The following LRRTM4 variants were observed in gnomAD, a reference collection of about 807,000 sequenced individuals.
LRRTM4 encodes leucine rich repeat transmembrane neuronal 4.
In LRRTM4, 25 loss-of-function variants were observed where a neutral mutation model predicts 47.6. The ratio of observed to expected loss-of-function variants is 0.53; its 90% confidence interval spans 0.38 to 0.73. The LOEUF is 0.73. Among genes scored for constraint, LRRTM4 ranks in the 30% least tolerant of loss-of-function variants. LRRTM4 has a pLI of 0.00. For synonymous variants in LRRTM4, 311 were observed against 269.5 expected (o/e 1.15, Z -1.51); for missense variants, 638 against 713.4 (o/e 0.89, Z 1.20).
chr2:76,939,609 T>C (rs985666223), intron 3 of LRRTM4, among the ~76,000 whole-genome samples: 1 of 151,896 alleles, frequency 6.6e-6, no homozygotes, highest in Non-Finnish European at 1.5e-5. Context: ...AGAACCAATA[T>C]TTTACTTGTT....
chr2:76,936,585 TAAAAAAAAAA>T (rs869085850), intron 3 of LRRTM4, among the ~76,000 whole-genome samples: 1 of 96,950 alleles, frequency 1.0e-5, no homozygotes, highest in Non-Finnish European at 2.5e-5. Context: ...TAAAGTATAA[TAAAAAAAAAA>T]AAAAAAGAAA....
At chr2:77,216,768 T>A (rs1201379472) in intron 3 of LRRTM4, among the ~76,000 whole-genome samples, 1 of 151,434 alleles carries the variant, frequency 6.6e-6, no homozygotes, top group Admixed American at 6.6e-5. Flanking sequence ...TGCATCTGTA[T>A]CACTTAGAGA....
chr2:77,119,730 C>CTTACATACATAGAA (rs1203531420), intron 3 of LRRTM4, among the ~76,000 whole-genome samples: 1 of 151,742 alleles, frequency 6.6e-6, no homozygotes, highest in Admixed American at 6.6e-5. Flanking sequence ...TGAAATGTGG[C>CTTACATACATAGAA]TTACATACAT....
intron 3 of LRRTM4, among the ~76,000 whole-genome samples, chr2:76,989,317 C>T (rs1676920236): frequency 6.6e-6 from 1 of 151,790 alleles, no homozygotes; most frequent in Non-Finnish European, 1.5e-5. Context: ...TCCACAAAAA[C>T]ATGCATTAGT....
At chr2:76,851,849 C>G (rs1672007202) in intron 3 of LRRTM4, among the ~76,000 whole-genome samples, 1 of 141,704 alleles carries the variant, frequency 7.1e-6, no homozygotes, top group Non-Finnish European at 1.5e-5. Context: ...GTAAATTAAA[C>G]ACAGGTTTTT....
chr2:77,140,694 C>T (rs1239220347), intron 3 of LRRTM4, among the ~76,000 whole-genome samples: 1 of 152,142 alleles, frequency 6.6e-6, no homozygotes, highest in Non-Finnish European at 1.5e-5. Flanking sequence ...AGGCAACCTA[C>T]AGAATGGGAG....
chr2:77,381,532 G>A (rs1394723), intron 3 of LRRTM4, among the ~76,000 whole-genome samples: 7,607 of 151,788 alleles, frequency 0.05, 281 homozygotes, highest in African/African-American at 0.1. Flanking sequence ...TAGAACTAGC[G>A]AATAGGCATA....
chr2:76,926,045 C>T (rs1337660507), intron 3 of LRRTM4, among the ~76,000 whole-genome samples: 1 of 152,088 alleles, frequency 6.6e-6, no homozygotes, highest in East Asian at 1.9e-4. Flanking sequence ...TTATAAATGA[C>T]ACATGGTCAG....
rs138948251 is a variant in LRRTM4 at position 77,428,929 on chromosome 2, T to C, written c.1551+89389A>G. ...CTTAACAAATACCTATTGATCACTG[T>C]TAATAAGGAGTAGACACAATTAGAA... On this transcript the variant is annotated intron_variant, in intron 3 of 3. Coordinates refer to ENST00000409884, the MANE Select transcript of LRRTM4 (RefSeq NM_001134745.3). Among the ~76,000 whole-genome samples the C allele has an allele frequency of 1.1e-4, 17 of 152,316 alleles. No homozygotes were observed. In the East Asian group the frequency reaches 3.1e-3, roughly 28 times the overall value.
At chr2:76,789,857 A>G (rs941448654) in intron 3 of LRRTM4, among the ~76,000 whole-genome samples, 1 of 152,018 alleles carries the variant, frequency 6.6e-6, no homozygotes, top group African/African-American at 2.4e-5. Context: ...AGTCTTTTTT[A>G]CTTTAGGGAA....
chr2:76,755,734 T>G (rs1673005959), intron 3 of LRRTM4, among the ~76,000 whole-genome samples: 1 of 152,100 alleles, frequency 6.6e-6, no homozygotes, highest in African/African-American at 2.4e-5. Flanking sequence ...AAAAGGAGCC[T>G]CAGCCTTACT....
intron 3 of LRRTM4, among the ~76,000 whole-genome samples, chr2:76,838,245 C>T (rs190930594): frequency 6.6e-6 from 1 of 151,960 alleles, no homozygotes; most frequent in Admixed American, 6.6e-5. Context: ...ATTTACATCA[C>T]CATAAGAAAT....
At chr2:76,928,068 A>G (rs1401614009) in intron 3 of LRRTM4, among the ~76,000 whole-genome samples, 4 of 152,142 alleles carry the variant, frequency 2.6e-5, no homozygotes, top group Non-Finnish European at 5.9e-5. Flanking sequence ...TGCCCTTCCA[A>G]TTTTTATATG....
intron 3 of LRRTM4, among the ~76,000 whole-genome samples, chr2:77,385,242 C>T (rs1214626662): frequency 6.6e-6 from 1 of 152,024 alleles, no homozygotes; most frequent in Admixed American, 6.6e-5. Flanking sequence ...TCTAATGAAC[C>T]ACTTGATTTT....
chr2:77,139,914 C>G (rs1046691048), intron 3 of LRRTM4, among the ~76,000 whole-genome samples: 2 of 152,106 alleles, frequency 1.3e-5, no homozygotes, highest in Admixed American at 1.3e-4. Flanking sequence ...ATCCAACTTA[C>G]AAGGGATGTG....
chr2:77,280,503 C>A (rs1040711337), intron 3 of LRRTM4, among the ~76,000 whole-genome samples: 1 of 151,994 alleles, frequency 6.6e-6, no homozygotes, highest in Non-Finnish European at 1.5e-5. Context: ...CAGCTTATGG[C>A]ACAATTTTCA....
intron 3 of LRRTM4, among the ~76,000 whole-genome samples, chr2:76,932,654 T>A (rs1429565478): frequency 6.6e-6 from 1 of 152,102 alleles, no homozygotes; most frequent in Non-Finnish European, 1.5e-5. Context: ...TCTAAAATAT[T>A]TTCTAAATAT....
chr2:77,253,606 T>C (rs1264049492), intron 3 of LRRTM4, among the ~76,000 whole-genome samples: 2 of 152,102 alleles, frequency 1.3e-5, no homozygotes, highest in Non-Finnish European at 2.9e-5. Flanking sequence ...AACTAACAGA[T>C]GCCAACAATG....
intron 3 of LRRTM4, among the ~76,000 whole-genome samples, chr2:77,514,816 A>G (rs1421849007): frequency 6.6e-6 from 1 of 151,968 alleles, no homozygotes; most frequent in Admixed American, 6.6e-5. Flanking sequence ...TTCAGTTGAT[A>G]AAACAAATCC....
Sources: allele counts gnomAD v4.1 joint callset (sites outside exome capture counted in the v4.1 genomes callset), GRCh38; gene constraint gnomAD v4.1.1; transcripts MANE v1.5; gene names NCBI Gene and HGNC (gene_info 2026-07-23, HGNC 2026-07-21).